Variants in KCNC2 observed in about 807,000 individuals in gnomAD.
KCNC2 encodes potassium voltage-gated channel subfamily C member 2, also known as voltage-gated potassium channel KCNC2.
Under a neutral mutation model 44.5 loss-of-function variants are expected in KCNC2, and 21 were observed. The observed-to-expected ratio is 0.47, with a 90% CI of 0.33 to 0.68. KCNC2 has a LOEUF of 0.68. Ranked by LOEUF, KCNC2 falls within the 30% of genes least tolerant of loss-of-function variation. The pLI, the probability that KCNC2 is intolerant of heterozygous loss-of-function variation, is 0.01. For synonymous variants in KCNC2, 391 were observed against 339.1 expected (o/e 1.15, Z -1.68); for missense variants, 589 against 826.2 (o/e 0.71, Z 3.52).
In KCNC2 at chr12:75,040,090, A is replaced by T. The variant is rs1479473347; in HGVS notation, c.*3015T>A. 6.6e-6 allele frequency: 1 copy of T among 152,040 alleles called. No homozygotes were observed. Among genetic ancestry groups the T allele is most frequent in the East Asian group, 1.9e-4 (1 of 5,168 alleles). 9.4% of individuals were successfully genotyped at this position (152,040 alleles called of 1,614,324 possible). On this transcript the variant is annotated 3_prime_UTR_variant, in exon 5 of 5. Coordinates refer to ENST00000549446, the MANE Select transcript of KCNC2 (RefSeq NM_139137.4). ...AAGAGCCAAGACAATAATTTGAGTA[A>T]TTTAATCAGATAACATTCAAGTTTA... is the stretch of plus-strand genomic sequence containing the variant.
chr12:75,166,053 A>T (rs1398396850), intron 2 of KCNC2, among the ~76,000 whole-genome samples: 5 of 151,410 alleles, frequency 3.3e-5, no homozygotes, highest in African/African-American at 1.2e-4. Context: ...AAAGTAAAGA[A>T]TGGAAAAAAT....
At chr12:75,106,021 A>C (rs1222138160) in intron 2 of KCNC2, among the ~76,000 whole-genome samples, 2 of 151,964 alleles carry the variant, frequency 1.3e-5, no homozygotes, top group Non-Finnish European at 2.9e-5. Context: ...AATCATTAGG[A>C]TACTGTGGAA....
chr12:75,153,619 T>C (rs555217133), intron 2 of KCNC2, among the ~76,000 whole-genome samples: 1 of 151,354 alleles, frequency 6.6e-6, no homozygotes, highest in African/African-American at 2.4e-5. Context: ...AAATCTATAA[T>C]AATAATAATA....
intron 2 of KCNC2, among the ~76,000 whole-genome samples, chr12:75,078,981 T>C (rs150562472): frequency 6.6e-6 from 1 of 152,292 alleles, no homozygotes; most frequent in African/African-American, 2.4e-5. Flanking sequence ...TTATTTAAAG[T>C]ACATTTCTTT....
chr12:75,148,626 TA>T (rs1283398581), intron 2 of KCNC2, among the ~76,000 whole-genome samples: 2 of 152,070 alleles, frequency 1.3e-5, no homozygotes, highest in East Asian at 1.9e-4. Flanking sequence ...TTTCATGTTA[TA>T]TTTTTTAGGT....
intron 2 of KCNC2, among the ~76,000 whole-genome samples, chr12:75,115,418 C>A (rs549040992): frequency 6.6e-6 from 1 of 152,318 alleles, no homozygotes; most frequent in East Asian, 1.9e-4. Context: ...TATTAAATGG[C>A]AAATCCAAAA....
chr12:75,143,280 T>C (rs1889785854), intron 2 of KCNC2, among the ~76,000 whole-genome samples: 1 of 152,130 alleles, frequency 6.6e-6, no homozygotes. Flanking sequence ...AGTAACTTAT[T>C]TCCTACCTAT....
chr12:75,086,675 A>ATATAT (rs1482026052), intron 2 of KCNC2, among the ~76,000 whole-genome samples: 10 of 76,722 alleles, frequency 1.3e-4, no homozygotes, highest in African/African-American at 7.8e-4. Context: ...AAAAAAAAAA[A>ATATAT]AAAAAAATAT....
At chr12:75,083,520 A>G (rs1488649342) in intron 2 of KCNC2, among the ~76,000 whole-genome samples, 1 of 151,928 alleles carries the variant, frequency 6.6e-6, no homozygotes, top group Non-Finnish European at 1.5e-5. Context: ...CAGTTCTGCC[A>G]GTTACCAGGC....
chr12:75,054,123 T>C lies in KCNC2; in HGVS notation c.688-2806A>G, dbSNP rs541266688. Among the ~76,000 whole-genome samples the C allele has an allele frequency of 5.3e-5, 8 of 151,422 alleles. No homozygotes were observed. The East Asian group carries it at 1.6e-3, about 30-fold the overall frequency. On this transcript the variant is annotated intron_variant, in intron 2 of 4. Transcript: ENST00000549446. ...CTGTAATCCCAGCTACTTTCCCAAG[T>C]ACTGAGGCAGGAGAATCACTTGAAC...
At chr12:75,092,513 T>C (rs956091811) in intron 2 of KCNC2, among the ~76,000 whole-genome samples, 17 of 151,680 alleles carry the variant, frequency 1.1e-4, no homozygotes, top group African/African-American at 3.9e-4. Flanking sequence ...CTTGCAAATA[T>C]ATTCAAGCAT....
At chr12:75,055,729 C>T (rs1881670291) in intron 2 of KCNC2, among the ~76,000 whole-genome samples, 2 of 151,966 alleles carry the variant, frequency 1.3e-5, no homozygotes, top group Non-Finnish European at 2.9e-5. Flanking sequence ...ATGGCCAGGA[C>T]TCTTATTTTT....
intron 2 of KCNC2, among the ~76,000 whole-genome samples, chr12:75,066,493 G>C (rs1882843771): frequency 6.6e-6 from 1 of 152,200 alleles, no homozygotes; most frequent in African/African-American, 2.4e-5. Flanking sequence ...AAAAGATTTT[G>C]ATAATAGCTA....
intron 2 of KCNC2, among the ~76,000 whole-genome samples, chr12:75,186,182 G>A (rs1892935710): frequency 6.6e-6 from 1 of 151,860 alleles, no homozygotes; most frequent in African/African-American, 2.4e-5. Context: ...CATATACCTT[G>A]GGAAATTTTT....
chr12:75,066,088 G>A (rs1368395229), intron 2 of KCNC2, among the ~76,000 whole-genome samples: 1 of 151,884 alleles, frequency 6.6e-6, no homozygotes, highest in Non-Finnish European at 1.5e-5. Context: ...AATAATTCAA[G>A]AACACCTAAA....
At chr12:75,078,283 G>A (rs1884176358) in intron 2 of KCNC2, among the ~76,000 whole-genome samples, 2 of 152,122 alleles carry the variant, frequency 1.3e-5, no homozygotes, top group African/African-American at 4.8e-5. Context: ...GCCCCGGTGG[G>A]ACGGCACTGT....
chr12:75,060,173 C>A (rs1882163831), intron 2 of KCNC2, among the ~76,000 whole-genome samples: 2 of 152,066 alleles, frequency 1.3e-5, no homozygotes, highest in South Asian at 4.1e-4. Context: ...TTTGGACCAT[C>A]ATTTAGCAAT....
intron 4 of KCNC2, among the ~76,000 whole-genome samples, chr12:75,046,478 C>T (rs11180342): frequency 0.015 from 2,201 of 151,708 alleles, 54 homozygotes; most frequent in African/African-American, 0.05. Flanking sequence ...ATAAATATTA[C>T]ATGTGATAAT....
chr12:75,133,479 C>A (rs866738375), intron 2 of KCNC2, among the ~76,000 whole-genome samples: 1 of 151,124 alleles, frequency 6.6e-6, no homozygotes, highest in East Asian at 1.9e-4. Flanking sequence ...TACCTATAAC[C>A]AAGGATTTTA....
Sources: gnomAD v4.1 joint callset for allele counts (sites outside exome capture counted in the v4.1 genomes callset) on GRCh38, gnomAD v4.1.1 for gene constraint, MANE v1.5 for transcripts, NCBI Gene and HGNC (gene_info 2026-07-23, HGNC 2026-07-21) for gene names.